The following CSMD1 variants were observed in gnomAD, a reference collection of about 807,000 sequenced individuals.
CSMD1 encodes CUB and sushi domain-containing protein 1.
Under a neutral mutation model 417.5 loss-of-function variants are expected in CSMD1, and 213 were observed. The observed-to-expected ratio is 0.51, with a 90% confidence interval of 0.46 to 0.57. The LOEUF is 0.57. CSMD1 is among the 20% of genes least tolerant of loss of function. CSMD1 has a pLI of 0.00. For synonymous variants in CSMD1, 2,862 were observed against 1,736.8 expected (o/e 1.65, Z -16.11); for missense variants, 6,923 against 4,529.7 (o/e 1.53, Z -15.17).
chr8:4,734,263 C>A (rs1810083757), intron 1 of CSMD1, among the ~76,000 whole-genome samples: 1 of 151,830 alleles, frequency 6.6e-6, no homozygotes, highest in Non-Finnish European at 1.5e-5. Flanking sequence ...CTATTAAATC[C>A]TTTTAAAAAA....
intron 26 of CSMD1, among the ~76,000 whole-genome samples, chr8:3,257,906 G>T (rs575919160): frequency 1.3e-5 from 2 of 152,224 alleles, no homozygotes; most frequent in Non-Finnish European, 1.5e-5. Context: ...TTACAAGGGC[G>T]TGAAGCTTAT....
chr8:3,028,959 A>G (rs189241553), intron 51 of CSMD1, among the ~76,000 whole-genome samples: 2 of 152,202 alleles, frequency 1.3e-5, no homozygotes, highest in African/African-American at 4.8e-5. Flanking sequence ...TATCTTCAGC[A>G]TTCATACTAT....
chr8:3,083,246 G>A (rs530370700), intron 49 of CSMD1, among the ~76,000 whole-genome samples: 47 of 151,896 alleles, frequency 3.1e-4, no homozygotes, highest in African/African-American at 1.0e-3. Context: ...TCTTAGAACT[G>A]AAAATAAAAT....
At chr8:4,038,434 C>T (rs542879996) in intron 3 of CSMD1, among the ~76,000 whole-genome samples, 2 of 152,204 alleles carry the variant, frequency 1.3e-5, no homozygotes, top group East Asian at 1.9e-4. Flanking sequence ...CACACAGACA[C>T]AAATATTACC....
intron 8 of CSMD1, among the ~76,000 whole-genome samples, chr8:3,594,893 T>C (rs11775765): frequency 2.0e-5 from 3 of 152,094 alleles, no homozygotes; most frequent in African/African-American, 7.2e-5. Context: ...TAAATACCTT[T>C]GGAACTAATG....
chr8:4,202,313 C>T (rs896594029), intron 3 of CSMD1, among the ~76,000 whole-genome samples: 1 of 152,128 alleles, frequency 6.6e-6, no homozygotes, highest in Non-Finnish European at 1.5e-5. Flanking sequence ...TGCCTATTTG[C>T]TTTTCAAGAG....
At chr8:3,919,877 T>G (rs796228264) in intron 5 of CSMD1, among the ~76,000 whole-genome samples, 4 of 152,298 alleles carry the variant, frequency 2.6e-5, no homozygotes, top group African/African-American at 9.6e-5. Flanking sequence ...AAGTATTTCA[T>G]TCTTTTTAAT....
At chr8:3,995,784 T>A (rs887751248) in intron 5 of CSMD1, among the ~76,000 whole-genome samples, 12 of 152,122 alleles carry the variant, frequency 7.9e-5, no homozygotes, top group Non-Finnish European at 1.8e-4. Flanking sequence ...TACAACTCTA[T>A]CCCCGGCTAA....
chr8:4,234,089 C>G (rs1350865551), intron 3 of CSMD1, among the ~76,000 whole-genome samples: 1 of 152,112 alleles, frequency 6.6e-6, no homozygotes, highest in Non-Finnish European at 1.5e-5. Flanking sequence ...AAGTACTAAC[C>G]TACACAAGTA....
chr8:3,537,162 C>A (rs1480169236), intron 10 of CSMD1, among the ~76,000 whole-genome samples: 3 of 152,070 alleles, frequency 2.0e-5, no homozygotes, highest in African/African-American at 7.2e-5. Context: ...CGCCACCACG[C>A]CCAGCTAATT....
chr8:4,811,668 A>G (rs1432324253), intron 1 of CSMD1, among the ~76,000 whole-genome samples: 2 of 152,060 alleles, frequency 1.3e-5, no homozygotes, highest in Non-Finnish European at 2.9e-5. Context: ...AGTTGAAATG[A>G]TTTCTATTGG....
intron 49 of CSMD1, among the ~76,000 whole-genome samples, chr8:3,076,674 A>G (rs989082703): frequency 4.6e-5 from 7 of 152,186 alleles, no homozygotes; most frequent in African/African-American, 1.7e-4. Context: ...TCCCAGCAAC[A>G]CTGTTTATGT....
intron 5 of CSMD1, among the ~76,000 whole-genome samples, chr8:3,780,721 A>G (rs1355618306): frequency 3.3e-5 from 5 of 152,220 alleles, no homozygotes; most frequent in African/African-American, 4.8e-5. Flanking sequence ...AAATGCACAG[A>G]TGCTTTCCAC....
At chr8:4,821,208 G>C (rs545076523) in intron 1 of CSMD1, among the ~76,000 whole-genome samples, 1 of 152,246 alleles carries the variant, frequency 6.6e-6, no homozygotes, top group South Asian at 2.1e-4. Context: ...TCACGTCATG[G>C]AAGGAAAAAC....
intron 1 of CSMD1, among the ~76,000 whole-genome samples, chr8:4,645,442 G>A (rs1222810141): frequency 5.5e-5 from 1 of 18,204 alleles, no homozygotes; most frequent in Admixed American, 8.8e-4. Flanking sequence ...GTAGTGCAGG[G>A]GCAAAAAAAA....
At chr8:4,980,348 G>T (rs981472085) in intron 1 of CSMD1, among the ~76,000 whole-genome samples, 2 of 152,206 alleles carry the variant, frequency 1.3e-5, no homozygotes, top group African/African-American at 2.4e-5. Context: ...CAGTGCCTCA[G>T]TTGCACTTAG....
chr8:4,116,670 T>A (rs139429762), intron 3 of CSMD1, among the ~76,000 whole-genome samples: 2 of 150,088 alleles, frequency 1.3e-5, no homozygotes, highest in African/African-American at 2.5e-5. Flanking sequence ...CCGACGGCGA[T>A]GTACGAGTGC....
intron 5 of CSMD1, among the ~76,000 whole-genome samples, chr8:3,830,134 A>G (rs73658299): frequency 0.02 from 3,095 of 152,284 alleles, 107 homozygotes; most frequent in African/African-American, 0.069. Flanking sequence ...TTTCTCTGAT[A>G]TCATTTCATA....
At chr8:4,371,191 G>C (rs1452700601) in intron 3 of CSMD1, among the ~76,000 whole-genome samples, 4 of 152,114 alleles carry the variant, frequency 2.6e-5, no homozygotes, top group Admixed American at 1.3e-4. Flanking sequence ...TAGGGGTCAA[G>C]GCTCAGCTCC....
Sources: allele counts gnomAD v4.1 joint callset (sites outside exome capture counted in the v4.1 genomes callset), GRCh38; gene constraint gnomAD v4.1.1; transcripts MANE v1.5; gene names NCBI Gene and HGNC (gene_info 2026-07-23, HGNC 2026-07-21).